SLC25A22: variants seen among roughly 807,000 people sequenced by gnomAD.
SLC25A22 encodes the protein mitochondrial glutamate carrier 1.
In SLC25A22, 23 loss-of-function variants were observed where a neutral mutation model predicts 33.7. That is an observed-to-expected ratio of 0.68 (90% CI 0.49 to 0.97). The LOEUF is 0.97. SLC25A22 is among the 50% of genes least tolerant of loss of function. The pLI, the probability that SLC25A22 is intolerant of heterozygous loss-of-function variation, is 0.00. For missense variants in SLC25A22, 390 were observed against 451.1 expected (o/e 0.86, Z 1.23); for synonymous variants, 245 against 203.8 (o/e 1.20, Z -1.72).
intron 1 of SLC25A22, chr11:797,847 G>A: frequency 2.5e-6 from 1 of 398,696 alleles, no homozygotes; most frequent in African/African-American, 2.1e-5. Context: ...GGGCTCAGCC[G>A]ACCGCTCCGT....
intron 1 of SLC25A22, chr11:797,740 C>T (rs1864913092): frequency 2.5e-6 from 1 of 398,672 alleles, no homozygotes; most frequent in East Asian, 3.6e-5. Flanking sequence ...GAAGGGGACT[C>T]CAACTGCGCG....
chr11:797,989 C>A (rs1378602094), intron 1 of SLC25A22: 3 of 398,438 alleles, frequency 7.5e-6, no homozygotes, highest in East Asian at 3.6e-5. Flanking sequence ...CTCGGGGACA[C>A]GTATGTGCGG....
chr11:791,261 G>C lies in SLC25A22; in HGVS notation c.*654C>G, dbSNP rs2133694094. On this transcript the variant is annotated 3_prime_UTR_variant, in exon 10 of 10. Coordinates refer to ENST00000628067, the MANE Select transcript of SLC25A22 (RefSeq NM_001191061.2). ...CACAGACCTCACAATCTGGGCCCCA[G>C]CCTGGGGTGGGAGCTGAGGAGCCCA... is the stretch of plus-strand genomic sequence containing the variant. 6.1e-6 allele frequency: 1 copy of C among 163,060 alleles called. No individual in the cohort carries two copies. The highest frequency in any genetic ancestry group is 1.9e-4 in the East Asian group (1 of 5,368). The allele number at this position is 163,060 out of a possible 1,614,324, so 10.1% of individuals were successfully genotyped here.
Position 794,883 on chromosome 11 carries a change from G to T in SLC25A22, c.39C>A (p.Ile13=). ...CGATCAGCCCGGCGATGCCGCCATT[G>T]ATGAGCTTGGCTGGCAGGCTGTGTG... ...DKQISLPAKL[I]NGGIAGLIGV... is the part of the protein sequence containing the mutation. The change falls in exon 3 of 10, where the codon ATC becomes ATA. Residue 13 remains isoleucine, a synonymous_variant. Coordinates refer to ENST00000628067, the MANE Select transcript of SLC25A22 (RefSeq NM_001191061.2). The T allele has an allele frequency of 6.4e-7, 1 of 1,566,642 alleles. No individual in the cohort carries two copies. Among genetic ancestry groups the T allele is most frequent in the Non-Finnish European group, 8.7e-7 (1 of 1,155,584 alleles).
Position 794,533 on chromosome 11 carries a change from G to C in SLC25A22, c.147-20C>G. 1 of 1,611,194 alleles carries C rather than the reference G, an allele frequency of 6.2e-7. No individual in the cohort carries two copies. The highest frequency in any genetic ancestry group is 8.5e-7 in the Non-Finnish European group (1 of 1,179,282). On this transcript the variant is annotated intron_variant, in intron 3 of 9. Transcript: ENST00000628067. ...TCGGACCTGTGGCCAAGGGGACAGG[G>C]TGAGCCAGGGCCAGCTGGGGCCAGC... is the stretch of plus-strand genomic sequence containing the variant.
Position 791,750 on chromosome 11 carries a change from G to A in SLC25A22, c.*165C>T, listed in dbSNP as rs934978871. The A allele has an allele frequency of 6.7e-6, 6 of 898,434 alleles. No homozygotes were observed. The African/African-American group carries it at 1.0e-4, about 15-fold the overall frequency. 55.7% of individuals were successfully genotyped at this position (898,434 alleles called of 1,614,324 possible). On this transcript the variant is annotated 3_prime_UTR_variant, in exon 10 of 10. Coordinates refer to ENST00000628067, the MANE Select transcript of SLC25A22 (RefSeq NM_001191061.2). Reference sequence around the variant, plus strand: ...AACGGTGCAGGCAGCACCCCGGGGGGCTTGCGTGTGCACCACCTATGTGGA... The same window carrying A: ...AACGGTGCAGGCAGCACCCCGGGGGACTTGCGTGTGCACCACCTATGTGGA...
At chr11:795,776 G>C (rs973100549) in intron 1 of SLC25A22, 3 of 151,522 alleles carry the variant, frequency 2.0e-5, no homozygotes, top group Non-Finnish European at 2.9e-5. Context: ...ACCCCTCCCA[G>C]GAGTTTCACT....
At chr11:797,471 C>A in intron 1 of SLC25A22, 2 of 397,264 alleles carry the variant, frequency 5.0e-6, no homozygotes, top group Non-Finnish European at 8.9e-6. Context: ...ACTGTCCCCC[C>A]TTCATAGTCA....
Position 792,477 on chromosome 11 carries a change from C to A in SLC25A22, c.588-19G>T. On this transcript the variant is annotated intron_variant, in intron 7 of 9. Coordinates refer to ENST00000628067, the MANE Select transcript of SLC25A22 (RefSeq NM_001191061.2). ...GACATCCCTGTGGGGAGGGAGGTGG[C>A]CGTGGGGACAGGAGGTGGTGGGGTG... 1 of 1,613,018 alleles carries A rather than the reference C, an allele frequency of 6.2e-7. No homozygotes were observed. Among genetic ancestry groups the A allele is most frequent in the Non-Finnish European group, 8.5e-7 (1 of 1,179,876 alleles).
intron 1 of SLC25A22, 174 bp from the exon 2 acceptor site, chr11:795,343 T>A (rs1864751111): frequency 4.7e-6 from 2 of 429,592 alleles, no homozygotes; most frequent in Non-Finnish European, 8.5e-6. Flanking sequence ...TGCTCACCCC[T>A]GGGACCACCT....
chr11:793,042 C>T (rs779610870), intron 5 of SLC25A22, 54 bp from the exon 6 acceptor site: 16 of 1,550,014 alleles, frequency 1.0e-5, no homozygotes, highest in African/African-American at 2.7e-5. Flanking sequence ...TACCTGCCAC[C>T]CTCGGGGCTG....
chr11:796,330 TTC>T (rs1437713906), intron 1 of SLC25A22: 12 of 151,992 alleles, frequency 7.9e-5, no homozygotes, highest in African/African-American at 2.4e-4. Flanking sequence ...GGGGGGCACT[TTC>T]TCTTTCACTT....
In SLC25A22 at chr11:791,104, GGCACACACA is replaced by G. The variant is rs1190475653; in HGVS notation, c.*802_*810del. The G allele has an allele frequency of 6.5e-6, 1 of 152,906 alleles. No individual in the cohort carries two copies. The highest frequency in any genetic ancestry group is 1.5e-5 in the Non-Finnish European group (1 of 68,628). The allele number at this position is 152,906 out of a possible 1,614,324, so 9.5% of individuals were successfully genotyped here. On this transcript the variant is annotated 3_prime_UTR_variant, in exon 10 of 10. Coordinates refer to ENST00000628067, the MANE Select transcript of SLC25A22 (RefSeq NM_001191061.2). ...CCTGGACGGGGTCAACAGAGCCTGG[GGCACACACA>G]GCACACAGAGCGCCTGGCCACGGCG...
chr11:797,483 G>A (rs1001873701), intron 1 of SLC25A22: 3 of 397,672 alleles, frequency 7.5e-6, no homozygotes, highest in African/African-American at 6.2e-5. Flanking sequence ...TCATAGTCAG[G>A]TGAACTGAGG....
Position 790,542 on chromosome 11 carries a change from T to A in SLC25A22, c.*1373A>T, listed in dbSNP as rs1305847672. 6.6e-6 allele frequency: 1 copy of A among 152,080 alleles called. No individual in the cohort carries two copies. The highest frequency in any genetic ancestry group is 2.4e-5 in the African/African-American group (1 of 41,390). 9.4% of individuals were successfully genotyped at this position (152,080 alleles called of 1,614,324 possible). A position where few individuals can be genotyped will look rare whatever the true frequency, so the allele number is the denominator to read the frequency against. ...AAAAAGTTACAACTTCTTAAAACTC[T>A]TCAAAAGAAAAAAATATAATTCTGT... On this transcript the variant is annotated 3_prime_UTR_variant, in exon 10 of 10. Transcript: ENST00000628067.
chr11:790,910 A>C lies in SLC25A22; in HGVS notation c.*1005T>G, dbSNP rs907095642. 1 of 152,322 alleles carries C rather than the reference A, an allele frequency of 6.6e-6. No homozygotes were observed. Among genetic ancestry groups the C allele is most frequent in the Admixed American group, 6.5e-5 (1 of 15,270 alleles). 9.4% of individuals were successfully genotyped at this position (152,322 alleles called of 1,614,324 possible). A position where few individuals can be genotyped will look rare whatever the true frequency, so the allele number is the denominator to read the frequency against. On this transcript the variant is annotated 3_prime_UTR_variant, in exon 10 of 10. Coordinates refer to ENST00000628067, the MANE Select transcript of SLC25A22 (RefSeq NM_001191061.2). ...AGGGGCCTTATGCAGAGGCTGAAAA[A>C]GGAGGGTGGGCCCTGAGAGGACTTG... is the stretch of plus-strand genomic sequence containing the variant.
chr11:792,687 C>T lies in SLC25A22; in HGVS notation c.453G>A (p.Ser151=), dbSNP rs559239495. The change falls in exon 7 of 10, where the codon TCG becomes TCA. Residue 151 remains serine, a synonymous_variant. Transcript: ENST00000628067. ...CTGAGGGCTGGGCACCCCCCTGGGCCGAGAGCTGGCCCTGGGCAGCCAGGA... is the reference window on the plus strand; with the variant it reads ...CTGAGGGCTGGGCACCCCCCTGGGCTGAGAGCTGGCCCTGGGCAGCCAGGA... ...RKILAAQGQL[S]AQGGAQPSVE... is the part of the protein sequence containing the mutation. The T allele has an allele frequency of 7.1e-6, 11 of 1,555,596 alleles. No homozygotes were observed. Among genetic ancestry groups the T allele is most frequent in the African/African-American group, 1.4e-5 (1 of 73,862 alleles).
chr11:795,377 C>A lies in SLC25A22; in HGVS notation c.-163-208G>T, dbSNP rs1055930751. On this transcript the variant is annotated intron_variant, in intron 1 of 9. Coordinates refer to ENST00000628067, the MANE Select transcript of SLC25A22 (RefSeq NM_001191061.2). ...CTGGCTTCCTTTCAGTCCCCCCCTC[C>A]CCACCGCCAGCGTCTTCCCAGCCAG... 18 of 376,492 alleles carry A rather than the reference C, an allele frequency of 4.8e-5. 1 individual carries two copies. The highest frequency in any genetic ancestry group is 1.1e-4 in the Admixed American group (3 of 26,664). The allele number at this position is 376,492 out of a possible 1,614,324, so 23.3% of individuals were successfully genotyped here.
chr11:793,198 G>A (rs1313697327), intron 5 of SLC25A22, among the ~76,000 whole-genome samples: 1 of 152,184 alleles, frequency 6.6e-6, no homozygotes, highest in African/African-American at 2.4e-5. Context: ...GGCCTGGGGA[G>A]GGCAGTGGGG....
Sources: allele counts gnomAD v4.1 joint callset (sites outside exome capture counted in the v4.1 genomes callset), GRCh38; gene constraint gnomAD v4.1.1; transcripts MANE v1.5; gene names NCBI Gene and HGNC (gene_info 2026-07-23, HGNC 2026-07-21).